The following ERC2 variants were observed in gnomAD, a reference collection of about 807,000 sequenced individuals.
ERC2 encodes the protein ELKS/RAB6-interacting/CAST family member 2, also known as ERC protein 2.
A neutral mutation model predicts 114.8 loss-of-function variants in ERC2; 42 were observed. That is an observed-to-expected ratio of 0.37 (90% CI 0.29 to 0.47). The LOEUF is 0.47. Ranked by LOEUF, ERC2 falls within the 20% of genes least tolerant of loss-of-function variation. ERC2 has a pLI of 0.99. For synonymous variants in ERC2, 454 were observed against 425.5 expected, an observed-to-expected ratio of 1.07 and a Z score of -0.82; for missense variants, 939 against 1,150.7, an observed-to-expected ratio of 0.82 and a Z score of 2.66.
At chr3:56,426,046 G>A (rs143270774) in intron 2 of ERC2, among the ~76,000 whole-genome samples, 1 of 152,308 alleles carries the variant, frequency 6.6e-6, no homozygotes, top group Non-Finnish European at 1.5e-5. Context: ...AAGAATTTGG[G>A]AAGGAGAACT....
intron 3 of ERC2, among the ~76,000 whole-genome samples, chr3:56,230,375 T>C (rs2050540275): frequency 6.6e-6 from 1 of 152,142 alleles, no homozygotes; most frequent in Admixed American, 6.5e-5. Flanking sequence ...TCAAAACCAG[T>C]AGTAAATAAA....
intron 2 of ERC2, among the ~76,000 whole-genome samples, chr3:56,424,455 C>T (rs1482991634): frequency 6.6e-6 from 1 of 152,130 alleles, no homozygotes; most frequent in Non-Finnish European, 1.5e-5. Context: ...ATCTGTAAGG[C>T]CACTAATGTG....
intron 11 of ERC2, among the ~76,000 whole-genome samples, chr3:55,987,690 G>A (rs2070739891): frequency 6.6e-6 from 1 of 152,298 alleles, no homozygotes; most frequent in South Asian, 2.1e-4. Flanking sequence ...AATTATGTTA[G>A]TACATTATTG....
chr3:55,635,167 G>T (rs1447481283), intron 17 of ERC2, among the ~76,000 whole-genome samples: 1 of 152,088 alleles, frequency 6.6e-6, no homozygotes, highest in Non-Finnish European at 1.5e-5. Flanking sequence ...ACAGGCGTGA[G>T]CCACCGTGCC....
intron 17 of ERC2, among the ~76,000 whole-genome samples, chr3:55,544,592 A>G (rs1014191382): frequency 1.3e-5 from 2 of 152,164 alleles, no homozygotes; most frequent in African/African-American, 4.8e-5. Context: ...ACTTAGGATA[A>G]ATCTGAATTC....
intron 17 of ERC2, among the ~76,000 whole-genome samples, chr3:55,546,239 G>T (rs1249070566): frequency 6.6e-6 from 1 of 152,140 alleles, no homozygotes; most frequent in African/African-American, 2.4e-5. Context: ...CTCCCTGCTG[G>T]TCCTTCACAG....
intron 17 of ERC2, among the ~76,000 whole-genome samples, chr3:55,567,752 A>C (rs2056464086): frequency 6.6e-6 from 1 of 152,144 alleles, no homozygotes. Context: ...CAATGGAAGC[A>C]GGATCCGGGG....
At chr3:56,009,323 C>T (rs1215528334) in intron 9 of ERC2, among the ~76,000 whole-genome samples, 1 of 152,202 alleles carries the variant, frequency 6.6e-6, no homozygotes, top group East Asian at 1.9e-4. Flanking sequence ...AAGAGAACTC[C>T]ATTCTTTATA....
chr3:55,863,944 T>C (rs1005597243), intron 14 of ERC2, among the ~76,000 whole-genome samples: 9 of 150,740 alleles, frequency 6.0e-5, no homozygotes, highest in Admixed American at 5.9e-4. Flanking sequence ...CACTAGTCTA[T>C]AGTACCTATC....
At chr3:56,037,902 A>C (rs2074904709) in intron 7 of ERC2, among the ~76,000 whole-genome samples, 1 of 152,222 alleles carries the variant, frequency 6.6e-6, no homozygotes, top group Non-Finnish European at 1.5e-5. Context: ...AATATTCAGG[A>C]AATTGAAACA....
At chr3:55,516,666 G>A (rs371306861) in intron 17 of ERC2, among the ~76,000 whole-genome samples, 10 of 152,252 alleles carry the variant, frequency 6.6e-5, no homozygotes, top group African/African-American at 2.2e-4. Flanking sequence ...TTCTGTGCAC[G>A]GGGTATAACT....
At chr3:55,773,404 A>G (rs1165841277) in intron 14 of ERC2, among the ~76,000 whole-genome samples, 1 of 152,142 alleles carries the variant, frequency 6.6e-6, no homozygotes, top group East Asian at 1.9e-4. Context: ...TTGTGATCCC[A>G]ACATTTCAGA....
At chr3:56,377,491 A>G (rs962438785) in intron 2 of ERC2, among the ~76,000 whole-genome samples, 7 of 152,250 alleles carry the variant, frequency 4.6e-5, no homozygotes, top group Non-Finnish European at 2.9e-5. Flanking sequence ...TTATCATCTC[A>G]CTTGTCAATT....
chr3:56,157,701 G>A (rs1410591880), intron 4 of ERC2, among the ~76,000 whole-genome samples: 5 of 150,048 alleles, frequency 3.3e-5, no homozygotes, highest in East Asian at 2.0e-4. Flanking sequence ...TAGAATCTCC[G>A]AAACATACCA....
chr3:56,278,506 A>G (rs1052377763), intron 3 of ERC2, among the ~76,000 whole-genome samples: 2 of 152,248 alleles, frequency 1.3e-5, no homozygotes, highest in African/African-American at 4.8e-5. Flanking sequence ...CAATAAAAGA[A>G]CATTGGTAGA....
At chr3:56,365,530 A>G (rs2059117441) in intron 2 of ERC2, among the ~76,000 whole-genome samples, 1 of 152,278 alleles carries the variant, frequency 6.6e-6, no homozygotes, top group Non-Finnish European at 1.5e-5. Context: ...TTTGTTATCT[A>G]TCCTCTACCA....
intron 14 of ERC2, among the ~76,000 whole-genome samples, chr3:55,761,627 C>T (rs2067436440): frequency 6.6e-6 from 1 of 152,052 alleles, no homozygotes. Context: ...CAATGTGTCC[C>T]CACCCAAATC....
In ERC2 at chr3:56,160,246, T is replaced by A. The variant is rs559344385; in HGVS notation, c.1150-11114A>T. Among the ~76,000 whole-genome samples the A allele has an allele frequency of 2.0e-5, 3 of 152,022 alleles. No homozygotes were observed. In the East Asian group the frequency reaches 5.8e-4, roughly 29 times the overall value. On this transcript the variant is annotated intron_variant, in intron 4 of 17. Transcript: ENST00000288221. ...GTTTTTATTTGCTTCTCTCTGATGA[T>A]TATGTTTGTTGGACACTTGCATGTC...
At chr3:55,599,044 C>A (rs1237004338) in intron 17 of ERC2, among the ~76,000 whole-genome samples, 3 of 152,186 alleles carry the variant, frequency 2.0e-5, no homozygotes, top group African/African-American at 4.8e-5. Context: ...AAGACAGGAG[C>A]AGTACAATTT....
Sources: gnomAD v4.1 joint callset for allele counts (sites outside exome capture counted in the v4.1 genomes callset) on GRCh38, gnomAD v4.1.1 for gene constraint, MANE v1.5 for transcripts, NCBI Gene and HGNC (gene_info 2026-07-23, HGNC 2026-07-21) for gene names.